The following GADL1 variants were observed in gnomAD, a reference collection of about 807,000 sequenced individuals.
GADL1 encodes acidic amino acid decarboxylase GADL1.
A neutral mutation model predicts 69.5 loss-of-function variants in GADL1; 71 were observed. The ratio of observed to expected loss-of-function variants is 1.02; its 90% CI spans 0.84 to 1.25. The LOEUF (loss-of-function observed/expected upper bound fraction) is 1.25, where lower values mean the gene tolerates loss of function less well. Ranked by LOEUF, GADL1 falls within the 50% of genes most tolerant of loss-of-function variation. The probability of loss-of-function intolerance (pLI) is 0.00; values close to 1 mark genes in which losing one functional copy is unlikely to be tolerated. For missense variants in GADL1, 737 were observed against 631.8 expected (o/e 1.17, Z -1.79); for synonymous variants, 254 against 214.4 (o/e 1.18, Z -1.62).
At chr3:30,820,822 G>T (rs1325025524) in intron 11 of GADL1, among the ~76,000 whole-genome samples, 4 of 151,682 alleles carry the variant, frequency 2.6e-5, no homozygotes, top group Non-Finnish European at 4.4e-5. Flanking sequence ...CCATTACTGG[G>T]TATATACCCA....
chr3:30,865,167 T>C (rs1007633942), intron 1 of GADL1, among the ~76,000 whole-genome samples: 2 of 151,964 alleles, frequency 1.3e-5, no homozygotes, highest in African/African-American at 4.8e-5. Context: ...CATCAGTTTC[T>C]CAGGGAGGCC....
intron 1 of GADL1, among the ~76,000 whole-genome samples, chr3:30,892,260 G>C (rs145652775): frequency 6.6e-6 from 1 of 152,180 alleles, no homozygotes; most frequent in African/African-American, 2.4e-5. Context: ...GTATTCTTCC[G>C]TAATGTATAG....
chr3:30,882,473 T>C (rs1359616625), intron 1 of GADL1, among the ~76,000 whole-genome samples: 1 of 151,980 alleles, frequency 6.6e-6, no homozygotes, highest in Non-Finnish European at 1.5e-5. Flanking sequence ...CATAATGTGA[T>C]GAAGGTTTAT....
At position 30,857,033 on chromosome 3, in the gene GADL1, G is replaced by A. The variant is rs891262170; in HGVS notation, c.319C>T (p.His107Tyr). ...KLLELCRDVI[H>Y]YSVKTNHPRF... Reference sequence around the variant, plus strand: ...TTCTTACTAGTTTTGACACTGTAGTGTATGACATCCCGACAGAGTTCCAAT... The same window carrying A: ...TTCTTACTAGTTTTGACACTGTAGTATATGACATCCCGACAGAGTTCCAAT... The change falls in exon 3 of 15, where the codon CAC becomes TAC. Residue 107 changes from histidine (H) to tyrosine (Y), a missense_variant. Transcript: ENST00000282538. 7 of 1,549,300 alleles carry A rather than the reference G, an allele frequency of 4.5e-6. No homozygotes were observed. The highest frequency in any genetic ancestry group is 3.9e-5 in the Admixed American group (2 of 50,932).
intron 12 of GADL1, among the ~76,000 whole-genome samples, chr3:30,794,553 A>AG (rs1251806209): frequency 6.6e-6 from 1 of 152,190 alleles, no homozygotes; most frequent in East Asian, 1.9e-4. Context: ...ATGTTGCTTT[A>AG]GGCTCTCAGT....
intron 1 of GADL1, among the ~76,000 whole-genome samples, chr3:30,873,057 G>C (rs1698514556): frequency 6.6e-6 from 1 of 151,856 alleles, no homozygotes; most frequent in Non-Finnish European, 1.5e-5. Context: ...GTATAGTGCA[G>C]TCATAGCAAA....
intron 14 of GADL1, among the ~76,000 whole-genome samples, chr3:30,736,014 T>G (rs533848984): frequency 4.9e-4 from 74 of 152,278 alleles, no homozygotes; most frequent in African/African-American, 1.7e-3. Context: ...CAGTTTTCCT[T>G]TTACATTTTG....
intron 4 of GADL1, among the ~76,000 whole-genome samples, chr3:30,852,817 G>T (rs1254446139): frequency 6.6e-6 from 1 of 152,054 alleles, no homozygotes; most frequent in African/African-American, 2.4e-5. Flanking sequence ...AATATTTAGA[G>T]ATTTTTGAAC....
At chr3:30,844,077 C>G in intron 8 of GADL1, 133 bp downstream of exon 8, 1 of 684,272 alleles carries the variant, frequency 1.5e-6, no homozygotes, top group East Asian at 2.6e-5. Context: ...AACATTCTCT[C>G]TCCTCTCTCC....
chr3:30,771,537 T>G (rs1323436512), intron 14 of GADL1, among the ~76,000 whole-genome samples: 4 of 152,204 alleles, frequency 2.6e-5, no homozygotes, highest in Non-Finnish European at 4.4e-5. Context: ...AAAGGCACTT[T>G]GATATTAGAC....
intron 1 of GADL1, among the ~76,000 whole-genome samples, chr3:30,892,250 G>A (rs1381150518): frequency 6.6e-6 from 1 of 152,152 alleles, no homozygotes; most frequent in Non-Finnish European, 1.5e-5. Flanking sequence ...ATTCCCTATG[G>A]TATTCTTCCG....
intron 14 of GADL1, among the ~76,000 whole-genome samples, chr3:30,763,758 A>G (rs1696199218): frequency 6.7e-6 from 1 of 148,566 alleles, no homozygotes; most frequent in Non-Finnish European, 1.5e-5. Flanking sequence ...TAAGCATTGT[A>G]AGTCTTAAAG....
intron 14 of GADL1, among the ~76,000 whole-genome samples, chr3:30,762,702 T>A (rs2125486366): frequency 6.6e-6 from 1 of 152,304 alleles, no homozygotes; most frequent in East Asian, 1.9e-4. Context: ...TAGGTCTCCT[T>A]CATTCTTTTT....
intron 1 of GADL1, among the ~76,000 whole-genome samples, chr3:30,884,780 A>G (rs1698682502): frequency 6.6e-6 from 1 of 152,140 alleles, no homozygotes; most frequent in South Asian, 2.1e-4. Flanking sequence ...ATGTATACAT[A>G]TAATTCAATG....
At chr3:30,778,037 C>CTGT in intron 14 of GADL1, 142 bp downstream of exon 14, 1 of 578,544 alleles carries the variant, frequency 1.7e-6, no homozygotes, top group South Asian at 2.5e-5. Context: ...ACTGTTTGGC[C>CTGT]TGTCATTACT....
intron 1 of GADL1, among the ~76,000 whole-genome samples, chr3:30,893,653 T>C (rs978278332): frequency 6.6e-6 from 1 of 152,108 alleles, no homozygotes; most frequent in African/African-American, 2.4e-5. Flanking sequence ...TAAAAGAGCG[T>C]CAGGACAGTT....
intron 1 of GADL1, among the ~76,000 whole-genome samples, chr3:30,862,987 T>G (rs940245798): frequency 1.3e-5 from 2 of 151,792 alleles, no homozygotes; most frequent in Non-Finnish European, 1.5e-5. Flanking sequence ...TTCAAACACA[T>G]GTACAAAGAG....
intron 12 of GADL1, among the ~76,000 whole-genome samples, chr3:30,791,419 A>C (rs1365561198): frequency 6.6e-6 from 1 of 152,146 alleles, no homozygotes; most frequent in Non-Finnish European, 1.5e-5. Flanking sequence ...GCAAATTCCT[A>C]AGCCTTCCTG....
intron 1 of GADL1, among the ~76,000 whole-genome samples, chr3:30,881,560 C>A: frequency 6.6e-6 from 1 of 151,618 alleles, no homozygotes; most frequent in East Asian, 1.9e-4. Context: ...AGGGAGATGG[C>A]AACAGTATAA....
Sources: gnomAD v4.1 joint callset for allele counts (sites outside exome capture counted in the v4.1 genomes callset) on GRCh38, gnomAD v4.1.1 for gene constraint, MANE v1.5 for transcripts, NCBI Gene and HGNC (gene_info 2026-07-23, HGNC 2026-07-21) for gene names.